TRAK1: variants seen among roughly 807,000 people sequenced by gnomAD.
TRAK1 encodes the protein trafficking kinesin protein 1.
In TRAK1, 33 loss-of-function variants were observed where a neutral mutation model predicts 92.1. The ratio of observed to expected loss-of-function variants is 0.36; its 90% confidence interval spans 0.27 to 0.48. The LOEUF (loss-of-function observed/expected upper bound fraction) is 0.48. TRAK1 is among the 20% of genes least tolerant of loss of function. The probability of loss-of-function intolerance (pLI) is 0.99; values close to 1 mark genes in which losing one functional copy is unlikely to be tolerated. For missense variants in TRAK1, 1,123 were observed against 1,257.9 expected (o/e 0.89, Z 1.62); for synonymous variants, 521 against 517.3 (o/e 1.01, Z -0.10).
At position 42,209,864 on chromosome 3, in the gene TRAK1, G is replaced by A. The variant is rs748144263; in HGVS notation, c.1842G>A (p.Thr614=). The A allele has an allele frequency of 1.3e-5, 21 of 1,614,208 alleles. No homozygotes were observed. Among genetic ancestry groups the A allele is most frequent in the South Asian group, 3.3e-5 (3 of 91,080 alleles). Residue 614 remains threonine (T), a synonymous_variant, in exon 14 of 16, where the codon ACG becomes ACA. Coordinates refer to ENST00000327628, the MANE Select transcript of TRAK1 (RefSeq NM_001042646.3). ...GTGTGGTCACCAAGGGCTTCCGGACGCTGGATGTTGACCTGGACGAAGTGT... is the reference window on the plus strand; with the variant it reads ...GTGTGGTCACCAAGGGCTTCCGGACACTGGATGTTGACCTGGACGAAGTGT... ...RPGVVTKGFR[T]LDVDLDEVYC...
intron 14 of TRAK1, chr3:42,218,101 C>T: frequency 1.0e-6 from 1 of 984,884 alleles, no homozygotes; most frequent in Middle Eastern, 5.2e-4. Context: ...CAGGGCAAAC[C>T]ATCTTGCCTT....
rs540139932 is a variant in TRAK1, at chr3:42,107,725, G to T, written c.91+16165G>T. Among the ~76,000 whole-genome samples the T allele has an allele frequency of 5.3e-5, 8 of 152,076 alleles. No individual in the cohort carries two copies. In the East Asian group the frequency reaches 1.5e-3, roughly 29 times the overall value. On this transcript the variant is annotated intron_variant, in intron 1 of 15. Coordinates refer to ENST00000327628, the MANE Select transcript of TRAK1 (RefSeq NM_001042646.3). ...GTCTGTTAACCTCTTTGCCTGTACAGATAGTACCTTTAAAGGTAACTATCT... is the reference window on the plus strand; with the variant it reads ...GTCTGTTAACCTCTTTGCCTGTACATATAGTACCTTTAAAGGTAACTATCT...
chr3:42,034,395 T>C (rs1702254506), intron 1 of TRAK1, among the ~76,000 whole-genome samples: 1 of 152,076 alleles, frequency 6.6e-6, no homozygotes, highest in Admixed American at 6.5e-5. Flanking sequence ...TGGGCTCAGG[T>C]GATTCTCCCA....
chr3:42,185,135 C>T (rs926588399), intron 4 of TRAK1, among the ~76,000 whole-genome samples: 2 of 152,154 alleles, frequency 1.3e-5, no homozygotes, highest in South Asian at 2.1e-4. Context: ...TAGACTCTAA[C>T]GATGCAGGCT....
chr3:42,147,540 G>A (rs924730450), intron 2 of TRAK1, among the ~76,000 whole-genome samples: 1 of 152,206 alleles, frequency 6.6e-6, no homozygotes, highest in East Asian at 1.9e-4. Context: ...TTCCACTGCA[G>A]CATGCGGGGA....
intron 3 of TRAK1, among the ~76,000 whole-genome samples, chr3:42,178,320 G>T (rs1576816038): frequency 6.6e-6 from 1 of 152,004 alleles, no homozygotes; most frequent in Non-Finnish European, 1.5e-5. Context: ...AAAGCTCCTC[G>T]CTGTGTAGTC....
intron 1 of TRAK1, among the ~76,000 whole-genome samples, chr3:42,119,008 G>A (rs1358659289): frequency 6.6e-6 from 1 of 152,142 alleles, no homozygotes; most frequent in Non-Finnish European, 1.5e-5. Flanking sequence ...GACAGGCAGG[G>A]GATTCACAGA....
intron 2 of TRAK1, among the ~76,000 whole-genome samples, chr3:42,144,264 C>T (rs1035697276): frequency 1.6e-5 from 2 of 121,750 alleles, no homozygotes; most frequent in Non-Finnish European, 3.8e-5. Flanking sequence ...GGCTTATTTC[C>T]CTTAAAAAAA....
intron 14 of TRAK1, among the ~76,000 whole-genome samples, chr3:42,214,150 A>T (rs1709395657): frequency 6.6e-6 from 1 of 152,138 alleles, no homozygotes; most frequent in African/African-American, 2.4e-5. Flanking sequence ...TCTGAACACT[A>T]CAGAGGGCCC....
chr3:42,080,317 G>T (rs1471322605), intron 1 of TRAK1, among the ~76,000 whole-genome samples: 1 of 152,142 alleles, frequency 6.6e-6, no homozygotes, highest in South Asian at 2.1e-4. Flanking sequence ...TGGGGCAGGG[G>T]ACCTGGGCCA....
intron 13 of TRAK1, chr3:42,203,347 G>A: frequency 8.1e-6 from 8 of 987,066 alleles, no homozygotes; most frequent in African/African-American, 1.7e-5. Flanking sequence ...TCCAGGAAGG[G>A]GTGGCTGTGG....
chr3:42,175,674 C>G (rs1194755288), intron 2 of TRAK1, among the ~76,000 whole-genome samples: 1 of 152,192 alleles, frequency 6.6e-6, no homozygotes, highest in Non-Finnish European at 1.5e-5. Flanking sequence ...TCTCTACTTG[C>G]ATTTAATAAA....
At position 42,176,855 on chromosome 3, in the gene TRAK1, A is replaced by G. The variant is rs752948482; in HGVS notation, c.328A>G (p.Asn110Asp). The change falls in exon 3 of 16, where the codon AAT becomes GAT. Residue 110 changes from asparagine to aspartate, a missense_variant. By Grantham distance (23) the Asn-to-Asp change is conservative. Transcript: ENST00000327628. The stretch of plus-strand genomic sequence containing the variant: ...AGTTGGCCAGATGACTAAGACATAT[A>G]ATGACATAGATGCTGTCACTCGGCT... ...ERVGQMTKTY[N>D]DIDAVTRLLE... is the part of the protein sequence containing the mutation. The G allele has an allele frequency of 3.1e-6, 5 of 1,613,986 alleles. No individual in the cohort carries two copies. The South Asian group carries it at 5.5e-5, about 18-fold the overall frequency.
At chr3:42,203,833 C>A in intron 13 of TRAK1, 1 of 843,662 alleles carries the variant, frequency 1.2e-6, no homozygotes, top group Non-Finnish European at 1.4e-6. Flanking sequence ...ATAAACAATA[C>A]ATAAGCAATA....
At chr3:42,030,747 T>G (rs1274191352) in intron 1 of TRAK1, among the ~76,000 whole-genome samples, 1 of 135,610 alleles carries the variant, frequency 7.4e-6, no homozygotes, top group African/African-American at 2.9e-5. Context: ...TATATGTAAC[T>G]TGTTGGTCAG....
chr3:42,108,521 A>G (rs1707906526), intron 1 of TRAK1, among the ~76,000 whole-genome samples: 1 of 151,356 alleles, frequency 6.6e-6, no homozygotes, highest in Non-Finnish European at 1.5e-5. Flanking sequence ...AAAAGATTCA[A>G]ACATTCAACA....
rs568781962 is a variant in TRAK1, at chr3:42,223,227, C to T, written c.2352C>T (p.Asn784=). 22 of 1,614,120 alleles carry T rather than the reference C, an allele frequency of 1.4e-5. No individual in the cohort carries two copies. The highest frequency in any genetic ancestry group is 1.8e-5 in the Non-Finnish European group (21 of 1,180,042). ...CTGTGATCCCCTCTACTCCGCCGAA[C>T]TCGCCTATGCAGACACCCACATCCT... The part of the protein sequence containing the change: ...KMAVIPSTPP[N]SPMQTPTSSP... The change falls in exon 16 of 16, where the codon AAC becomes AAT. Residue 784 remains asparagine (N), a synonymous_variant. Coordinates refer to ENST00000327628, the MANE Select transcript of TRAK1 (RefSeq NM_001042646.3). This position sits in a 1 kb window ranked among gnomAD's most constrained non-coding sequence, Gnocchi z 6.1.
intron 4 of TRAK1, among the ~76,000 whole-genome samples, chr3:42,187,642 T>A (rs1190620779): frequency 1.3e-5 from 2 of 152,030 alleles, no homozygotes; most frequent in African/African-American, 2.4e-5. Flanking sequence ...TAATTTTTTA[T>A]TTTTAGTAGA....
At chr3:42,130,953 T>C (rs1182575465) in intron 2 of TRAK1, among the ~76,000 whole-genome samples, 1 of 152,042 alleles carries the variant, frequency 6.6e-6, no homozygotes, top group Non-Finnish European at 1.5e-5. Context: ...GTCCATAAAG[T>C]AGAACCTACA....
Sources: gnomAD v4.1 joint callset for allele counts (sites outside exome capture counted in the v4.1 genomes callset) on GRCh38, gnomAD v4.1.1 for gene constraint, Gnocchi (gnomAD v3.1) non-coding constraint, MANE v1.5 for transcripts, NCBI Gene and HGNC (gene_info 2026-07-23, HGNC 2026-07-21) for gene names.